The following PTPRN variants were observed in gnomAD, a reference collection of about 807,000 sequenced individuals.
The protein encoded by PTPRN is protein tyrosine phosphatase receptor type N.
In PTPRN, 70 loss-of-function variants were observed where a neutral mutation model predicts 108.5. The observed-to-expected ratio is 0.65, with a 90% confidence interval of 0.53 to 0.79. The LOEUF is 0.79. PTPRN is among the 30% of genes least tolerant of loss of function. The pLI, the probability that PTPRN is intolerant of heterozygous loss-of-function variation, is 0.00. For missense variants in PTPRN, 1,136 were observed against 1,295.5 expected, an observed-to-expected ratio of 0.88 and a Z score of 1.89; for synonymous variants, 496 against 524.6, an observed-to-expected ratio of 0.95 and a Z score of 0.75.
chr2:219,294,905 C>G (rs977690759), intron 19 of PTPRN, 70 bp downstream of exon 19: 42 of 1,364,638 alleles, frequency 3.1e-5, no homozygotes, highest in Middle Eastern at 2.7e-4. Flanking sequence ...GGCTCCAGGC[C>G]GAGCGGCGGG....
chr2:219,304,466 A>T (rs769153462), intron 3 of PTPRN, among the ~76,000 whole-genome samples: 1 of 152,150 alleles, frequency 6.6e-6, no homozygotes, highest in Non-Finnish European at 1.5e-5. Context: ...ATTCATAGAC[A>T]GCTCTCCTGT....
In PTPRN at chr2:219,295,332, C is replaced by A. The variant is rs1952164353; in HGVS notation, c.2509-191G>T. The A allele has an allele frequency of 1.2e-4, 67 of 575,972 alleles. 1 individual carries two copies. The East Asian group carries it at 2.1e-3, about 18-fold the overall frequency. The allele number at this position is 575,972 out of a possible 1,614,324, so 35.7% of individuals were successfully genotyped here. A position where few individuals can be genotyped will look rare whatever the true frequency, so the allele number is the denominator to read the frequency against. Reference sequence around the variant, plus strand: ...ATCTACTGCTCAGGACCACTAGTAGCTTTTCCACCCAGACACAGCTATTGT... The same window carrying A: ...ATCTACTGCTCAGGACCACTAGTAGATTTTCCACCCAGACACAGCTATTGT... On this transcript the variant is annotated intron_variant, in intron 18 of 22. Coordinates refer to ENST00000295718, the MANE Select transcript of PTPRN (RefSeq NM_002846.4).
chr2:219,295,367 G>A (rs1370320332), intron 18 of PTPRN: 1 of 520,624 alleles, frequency 1.9e-6, no homozygotes, highest in Non-Finnish European at 3.3e-6. Flanking sequence ...TGAGCCTCTC[G>A]AGGTCGGAGT....
rs142153156 is a variant in PTPRN at position 219,291,498 on chromosome 2, G to A, written c.2701C>T (p.Arg901Cys). 7.6e-5 allele frequency: 123 copies of A among 1,613,988 alleles called. No homozygotes were observed. The African/African-American group carries it at 1.3e-3, about 17-fold the overall frequency. ...CAGTGCACGATGATGGGGCAGGAGCGGCCCCGGTAGCACTTGTTCACCTTC... is the reference window on the plus strand; with the variant it reads ...CAGTGCACGATGATGGGGCAGGAGCAGCCCCGGTAGCACTTGTTCACCTTC... ...RRKVNKCYRG[R>C]SCPIIVHCSD... The change falls in exon 20 of 23, where the codon CGC (arginine) becomes TGC (cysteine). Residue 901 changes from arginine to cysteine, a missense_variant. Physicochemically the swap from Arg to Cys is radical, Grantham distance 180. Coordinates refer to ENST00000295718, the MANE Select transcript of PTPRN (RefSeq NM_002846.4).
In PTPRN at chr2:219,290,897, C is replaced by T. The variant is rs1952038580; in HGVS notation, c.2730-7G>A. 5.6e-6 allele frequency: 9 copies of T among 1,613,634 alleles called. No homozygotes were observed. In the South Asian group the frequency reaches 7.7e-5, roughly 14 times the overall value. On this transcript the variant is annotated splice_region_variant and splice_polypyrimidine_tract_variant and intron_variant, in intron 20 of 22. Transcript: ENST00000295718. The surrounding 1 kb of genome is among the most constrained non-coding windows in gnomAD (Gnocchi z 4.2). Reference sequence around the variant, plus strand: ...GGTCCTCCCCGCACCATCACTGAAACAGGAGTTAGTGACAGGTTTAGCTTG... The same window carrying T: ...GGTCCTCCCCGCACCATCACTGAAATAGGAGTTAGTGACAGGTTTAGCTTG...
In PTPRN at chr2:219,301,717, C is replaced by G; in HGVS notation, c.997G>C (p.Ala333Pro). Reference protein sequence around the residue: ...KPASPAVQPDAALQRLAAVLA... With the variant: ...KPASPAVQPDPALQRLAAVLA... Reference sequence around the variant, plus strand: ...ACAGCGGCCAGCCTCTGCAGAGCCGCATCTGCTGGGAGCCAGACACAGAGC... The same window carrying G: ...ACAGCGGCCAGCCTCTGCAGAGCCGGATCTGCTGGGAGCCAGACACAGAGC... Residue 333 changes from alanine (A) to proline (P), a missense_variant and splice_region_variant, in exon 7 of 23, where the codon GCG becomes CCG. Ala to Pro is a conservative substitution (Grantham distance 27). Coordinates refer to ENST00000295718, the MANE Select transcript of PTPRN (RefSeq NM_002846.4). 1 of 1,607,636 alleles carries G rather than the reference C, an allele frequency of 6.2e-7. No homozygotes were observed. The highest frequency in any genetic ancestry group is 8.5e-7 in the Non-Finnish European group (1 of 1,174,966).
chr2:219,295,113 C>T lies in PTPRN; in HGVS notation c.2537G>A (p.Cys846Tyr), dbSNP rs1324106151. The change falls in exon 19 of 23, where the codon TGC (cysteine) becomes TAC (tyrosine). Residue 846 changes from cysteine to tyrosine, a missense_variant. Coordinates refer to ENST00000295718, the MANE Select transcript of PTPRN (RefSeq NM_002846.4). ...GAAGCTCCGCACCAGAAAGTCCTCGCACCAGATGTGCTCCGACACCAGGTT... is the reference window on the plus strand; with the variant it reads ...GAAGCTCCGCACCAGAAAGTCCTCGTACCAGATGTGCTCCGACACCAGGTT... ...EVNLVSEHIW[C>Y]EDFLVRSFYL... The T allele has an allele frequency of 1.9e-6, 3 of 1,612,584 alleles. No homozygotes were observed. In the South Asian group the frequency reaches 3.3e-5, roughly 18 times the overall value.
In PTPRN at chr2:219,297,179, CCT is replaced by C. The variant is rs1183620889; in HGVS notation, c.2089-49_2089-48del. 3.1e-6 allele frequency: 5 copies of C among 1,610,858 alleles called. No homozygotes were observed. Among genetic ancestry groups the C allele is most frequent in the Non-Finnish European group, 4.2e-6 (5 of 1,178,016 alleles). ...GCTCTGGCCCACACAGCCAGCCTGG[CCT>C]CTCTCACCATCCCATTCCTTCACCC... On this transcript the variant is annotated intron_variant, in intron 14 of 22. Coordinates refer to ENST00000295718, the MANE Select transcript of PTPRN (RefSeq NM_002846.4). This position sits in a 1 kb window ranked among gnomAD's most constrained non-coding sequence, Gnocchi z 6.0.
chr2:219,307,184 C>G (rs557871459), intron 3 of PTPRN: 1 of 385,962 alleles, frequency 2.6e-6, no homozygotes, highest in East Asian at 4.2e-5. Flanking sequence ...TCAGACAATG[C>G]CAGTGAGAGG....
At chr2:219,293,570 G>C (rs1264448143) in intron 19 of PTPRN, among the ~76,000 whole-genome samples, 2 of 152,314 alleles carry the variant, frequency 1.3e-5, no homozygotes, top group East Asian at 3.8e-4. Flanking sequence ...CAATCTTTTA[G>C]CTTATCTGTG....
rs764851799 is a variant in PTPRN, at chr2:219,295,147, C to T, written c.2509-6G>A. ...TGCTCCGACACCAGGTTCACCTGCC[C>T]GGCAGGGGCCCAGGCCTGAGCGCCG... is the stretch of plus-strand genomic sequence containing the variant. On this transcript the variant is annotated splice_region_variant and splice_polypyrimidine_tract_variant and intron_variant, in intron 18 of 22. Coordinates refer to ENST00000295718, the MANE Select transcript of PTPRN (RefSeq NM_002846.4). 4 of 1,608,670 alleles carry T rather than the reference C, an allele frequency of 2.5e-6. No homozygotes were observed. The highest frequency in any genetic ancestry group is 1.1e-5 in the South Asian group (1 of 90,324).
In PTPRN at chr2:219,296,235, G is replaced by A. The variant is rs750941743; in HGVS notation, c.2499C>T (p.His833=). Residue 833 remains histidine (H), a synonymous_variant, in exon 18 of 23, where the codon CAC becomes CAT. Transcript: ENST00000295718. This position sits in a 1 kb window ranked among gnomAD's most constrained non-coding sequence, Gnocchi z 6.0. The part of the protein sequence containing the change: ...YWPDEGASLY[H]VYEVNLVSEH... ...GTGGGGCCCTGCTGACCTCATATAC[G>A]TGGTAGAGGGAGGCACCCTCATCTG... 19 of 1,613,966 alleles carry A rather than the reference G, an allele frequency of 1.2e-5. No homozygotes were observed. The highest frequency in any genetic ancestry group is 2.2e-5 in the South Asian group (2 of 91,086).
In PTPRN at chr2:219,296,949, A is replaced by C. The variant is rs1366242329; in HGVS notation, c.2236+36T>G. 4.3e-6 allele frequency: 7 copies of C among 1,612,830 alleles called. No individual in the cohort carries two copies. The African/African-American group carries it at 9.3e-5, about 22-fold the overall frequency. On this transcript the variant is annotated intron_variant, in intron 15 of 22. Coordinates refer to ENST00000295718, the MANE Select transcript of PTPRN (RefSeq NM_002846.4). The surrounding 1 kb of genome is among the most constrained non-coding windows in gnomAD (Gnocchi z 6.0). ...GCCCTCCAGACCTCGCAGCAGAGAG[A>C]GGGCTGGGCCAGGTGGGCCAGCAGG...
rs1444485661 is a variant in PTPRN, at chr2:219,296,742, C to T, written c.2310+7G>A. On this transcript the variant is annotated splice_region_variant and intron_variant, in intron 16 of 22. Coordinates refer to ENST00000295718, the MANE Select transcript of PTPRN (RefSeq NM_002846.4). The surrounding 1 kb of genome is among the most constrained non-coding windows in gnomAD (Gnocchi z 6.0). ...CAGAGGTGGGGGCTGGAGTCAGGGC[C>T]ACTCACAATGGGGCTGGCGTTGATG... is the stretch of plus-strand genomic sequence containing the variant. The T allele has an allele frequency of 1.2e-6, 2 of 1,613,734 alleles. No individual in the cohort carries two copies. Among genetic ancestry groups the T allele is most frequent in the Non-Finnish European group, 8.5e-7 (1 of 1,179,864 alleles).
chr2:219,290,690 G>A lies in PTPRN; in HGVS notation c.2795-79C>T. 2.7e-6 allele frequency: 4 copies of A among 1,483,268 alleles called. No homozygotes were observed. In the South Asian group the frequency reaches 3.6e-5, roughly 13 times the overall value. The allele number at this position is 1,483,268 out of a possible 1,614,324, so 91.9% of individuals were successfully genotyped here. A position where few individuals can be genotyped will look rare whatever the true frequency, so the allele number is the denominator to read the frequency against. On this transcript the variant is annotated intron_variant, in intron 21 of 22. Coordinates refer to ENST00000295718, the MANE Select transcript of PTPRN (RefSeq NM_002846.4). The surrounding 1 kb of genome is among the most constrained non-coding windows in gnomAD (Gnocchi z 4.2). ...GACCCAGAAAACCTGAGGCCTCCTG[G>A]AGGCAAAGAGCCTTGGAGGGCTGGG...
In PTPRN at chr2:219,301,550, C is replaced by G. The variant is rs773780971; in HGVS notation, c.1126+38G>C. The G allele has an allele frequency of 1.9e-6, 3 of 1,584,632 alleles. No homozygotes were observed. The Admixed American group carries it at 5.1e-5, about 27-fold the overall frequency. On this transcript the variant is annotated intron_variant, in intron 7 of 22. Transcript: ENST00000295718. Reference sequence around the variant, plus strand: ...GCAGGGCAAGAGGCCTCCATGGAGCCGGGAGATATTGGTCCCTCCCTCTGC... The same window carrying G: ...GCAGGGCAAGAGGCCTCCATGGAGCGGGGAGATATTGGTCCCTCCCTCTGC...
chr2:219,297,469 C>G lies in PTPRN; in HGVS notation c.1888-36G>C. The G allele has an allele frequency of 1.2e-6, 2 of 1,605,656 alleles. No homozygotes were observed. Among genetic ancestry groups the G allele is most frequent in the Non-Finnish European group, 1.7e-6 (2 of 1,173,406 alleles). On this transcript the variant is annotated intron_variant, in intron 13 of 22. Coordinates refer to ENST00000295718, the MANE Select transcript of PTPRN (RefSeq NM_002846.4). The surrounding 1 kb of genome is among the most constrained non-coding windows in gnomAD (Gnocchi z 6.0). ...AGAATCAGGTGAGGTCCAAGAGTCCCCTGAAACTTTTCAACAGGGCCCTGG... is the reference window on the plus strand; with the variant it reads ...AGAATCAGGTGAGGTCCAAGAGTCCGCTGAAACTTTTCAACAGGGCCCTGG...
Position 219,291,469 on chromosome 2 carries a change from C to T in PTPRN, c.2729+1G>A. On this transcript the variant is annotated splice_donor_variant, in intron 20 of 22. Coordinates refer to ENST00000295718, the MANE Select transcript of PTPRN (RefSeq NM_002846.4). LOFTEE classifies it high-confidence loss of function. Reference sequence around the variant, plus strand: ...GAGAGATGAATCTCCTCTCCACCCACCTGCAGTGCACGATGATGGGGCAGG... The same window carrying T: ...GAGAGATGAATCTCCTCTCCACCCATCTGCAGTGCACGATGATGGGGCAGG... The T allele has an allele frequency of 6.2e-7, 1 of 1,613,872 alleles. No individual in the cohort carries two copies. Among genetic ancestry groups the T allele is most frequent in the Non-Finnish European group, 8.5e-7 (1 of 1,179,818 alleles).
In PTPRN at chr2:219,297,278, C is replaced by G; in HGVS notation, c.2043G>C (p.Glu681Asp). The G allele has an allele frequency of 6.2e-7, 1 of 1,614,046 alleles. No individual in the cohort carries two copies. Among genetic ancestry groups the G allele is most frequent in the Non-Finnish European group, 8.5e-7 (1 of 1,180,032 alleles). The part of the protein sequence containing the change: ...SHSSTPSWCE[E>D]PAQANMDIST... ...AGATGTCCATGTTGGCTTGGGCCGGCTCCTCGCACCAGGACGGGGTGCTGC... is the reference window on the plus strand; with the variant it reads ...AGATGTCCATGTTGGCTTGGGCCGGGTCCTCGCACCAGGACGGGGTGCTGC... The change falls in exon 14 of 23, where the codon GAG becomes GAC. Residue 681 changes from glutamate (E) to aspartate (D), a missense_variant. Physicochemically the swap from Glu to Asp is conservative, Grantham distance 45. Coordinates refer to ENST00000295718, the MANE Select transcript of PTPRN (RefSeq NM_002846.4). The surrounding 1 kb of genome is among the most constrained non-coding windows in gnomAD (Gnocchi z 6.0).
Sources: allele counts gnomAD v4.1 joint callset (sites outside exome capture counted in the v4.1 genomes callset), GRCh38; gene constraint gnomAD v4.1.1; non-coding constraint Gnocchi (gnomAD v3.1); transcripts MANE v1.5; gene names NCBI Gene and HGNC (gene_info 2026-07-23, HGNC 2026-07-21).